TTBK2: variants seen among roughly 807,000 people sequenced by gnomAD.
TTBK2 encodes tau tubulin kinase 2.
A neutral mutation model predicts 110.8 loss-of-function variants in TTBK2; 28 were observed. That is an observed-to-expected ratio of 0.25 (90% CI 0.19 to 0.35). The LOEUF is 0.35. TTBK2 is among the 10% of genes least tolerant of loss of function. TTBK2 has a pLI of 1.00. For synonymous variants in TTBK2, 532 were observed against 527.3 expected, an observed-to-expected ratio of 1.01 and a Z score of -0.12; for missense variants, 1,369 against 1,500.3, an observed-to-expected ratio of 0.91 and a Z score of 1.45.
chr15:42,843,108 C>T (rs888238191), intron 3 of TTBK2, among the ~76,000 whole-genome samples: 1 of 152,162 alleles, frequency 6.6e-6, no homozygotes, highest in Non-Finnish European at 1.5e-5. Flanking sequence ...GTACTAAAAA[C>T]ACTTTTGCAA....
intron 3 of TTBK2, among the ~76,000 whole-genome samples, chr15:42,868,623 G>A (rs1279959073): frequency 1.3e-5 from 2 of 151,460 alleles, no homozygotes; most frequent in Non-Finnish European, 2.9e-5. Context: ...CTGGGAGGCC[G>A]AGGCAAGAGG....
At chr15:42,779,752 G>A (rs142019812) in intron 11 of TTBK2, among the ~76,000 whole-genome samples, 203 of 152,254 alleles carry the variant, frequency 1.3e-3, no homozygotes, top group African/African-American at 4.7e-3. Flanking sequence ...GGTCGAGGCA[G>A]GTGAATTACT....
chr15:42,836,058 A>G (rs1389535581), intron 4 of TTBK2, among the ~76,000 whole-genome samples: 2 of 152,172 alleles, frequency 1.3e-5, no homozygotes, highest in Admixed American at 6.5e-5. Flanking sequence ...TTATCACAAT[A>G]TATCACACTT....
intron 3 of TTBK2, among the ~76,000 whole-genome samples, chr15:42,871,224 G>T (rs558124276): frequency 6.6e-6 from 1 of 152,228 alleles, no homozygotes; most frequent in East Asian, 1.9e-4. Context: ...TTAAGAATGG[G>T]ATGTCATGTG....
intron 9 of TTBK2, chr15:42,800,972 C>T: frequency 1.3e-6 from 1 of 753,228 alleles, no homozygotes. Flanking sequence ...TTCACTTGGG[C>T]AGGACGTTGG....
chr15:42,817,383 A>T (rs1424942074), intron 6 of TTBK2, among the ~76,000 whole-genome samples: 1 of 152,202 alleles, frequency 6.6e-6, no homozygotes. Flanking sequence ...TCTCTATATT[A>T]GAAAACATTA....
rs774142792 is a variant in TTBK2 at position 42,801,345 on chromosome 15, T to G, written c.823-6544A>C. 3.8e-5 allele frequency: 60 copies of G among 1,563,168 alleles called. No homozygotes were observed. In the African/African-American group the frequency reaches 7.1e-4, roughly 19 times the overall value. ...TTGACTGGCTAGCTGCAGGGCGGCC[T>G]CCAGCTCAGACAGCTTGGCATTGGC... On this transcript the variant is annotated intron_variant, in intron 9 of 14. Transcript: ENST00000267890.
At chr15:42,909,888 G>A (rs1187396000) in intron 1 of TTBK2, among the ~76,000 whole-genome samples, 1 of 152,116 alleles carries the variant, frequency 6.6e-6, no homozygotes, top group African/African-American at 2.4e-5. Flanking sequence ...GTGAAAGCCA[G>A]GCAGCTTACA....
intron 1 of TTBK2, among the ~76,000 whole-genome samples, chr15:42,892,487 G>A (rs986863438): frequency 1.3e-5 from 2 of 149,980 alleles, no homozygotes; most frequent in South Asian, 2.1e-4. Flanking sequence ...CAGGTGGATT[G>A]ATTGAGCTCA....
In TTBK2 at chr15:42,743,151, C is replaced by T. The variant is rs751965083; in HGVS notation, c.*2644G>A. On this transcript the variant is annotated 3_prime_UTR_variant, in exon 15 of 15. Transcript: ENST00000267890. ...TCTTTAGAAAGTATCAGAGCAGAAA[C>T]GTCTTTGGTTAATTCTTTCCTCTAC... The T allele has an allele frequency of 1.2e-4, 18 of 152,138 alleles. No individual in the cohort carries two copies. The highest frequency in any genetic ancestry group is 2.2e-4 in the African/African-American group (9 of 41,418). 9.4% of individuals were successfully genotyped at this position (152,138 alleles called of 1,614,324 possible).
Position 42,775,642 on chromosome 15 carries a change from A to G in TTBK2, c.1491T>C (p.Ala497=). The G allele has an allele frequency of 6.2e-7, 1 of 1,613,110 alleles. No individual in the cohort carries two copies. The highest frequency in any genetic ancestry group is 8.5e-7 in the Non-Finnish European group (1 of 1,179,434). ...PALLHKPCVP[A]VSRTDHIWHY... ...GCCAGATGTGGTCAGTACGGGACAC[A>G]GCAGGAACGCAAGGCTTATGCAGCA... is the stretch of plus-strand genomic sequence containing the variant. Residue 497 remains alanine, a synonymous_variant, in exon 13 of 15, where the codon GCT becomes GCC. Coordinates refer to ENST00000267890, the MANE Select transcript of TTBK2 (RefSeq NM_173500.4).
At chr15:42,811,214 G>A (rs912719261) in intron 8 of TTBK2, among the ~76,000 whole-genome samples, 8 of 152,106 alleles carry the variant, frequency 5.3e-5, no homozygotes, top group Non-Finnish European at 7.4e-5. Context: ...GCCTGGTCTC[G>A]AATTTTTGGG....
chr15:42,909,276 G>T (rs2030608205), intron 1 of TTBK2, among the ~76,000 whole-genome samples: 1 of 152,180 alleles, frequency 6.6e-6, no homozygotes. Context: ...AAATAGCTGG[G>T]AATACAAGTG....
At chr15:42,851,202 C>CT (rs1325781730) in intron 3 of TTBK2, among the ~76,000 whole-genome samples, 5 of 149,826 alleles carry the variant, frequency 3.3e-5, no homozygotes, top group African/African-American at 1.2e-4. Flanking sequence ...GAGCAGAGAT[C>CT]ATGCCACTGC....
At chr15:42,899,377 C>T (rs1012410372) in intron 1 of TTBK2, among the ~76,000 whole-genome samples, 20 of 151,354 alleles carry the variant, frequency 1.3e-4, no homozygotes, top group Non-Finnish European at 2.5e-4. Flanking sequence ...AGGCGGATCA[C>T]TTGAGGTCAG....
intron 3 of TTBK2, among the ~76,000 whole-genome samples, chr15:42,872,340 G>A (rs529262418): frequency 7.2e-5 from 11 of 152,206 alleles, no homozygotes; most frequent in East Asian, 3.9e-4. Context: ...AATACTTTCC[G>A]AAGCAGTAAA....
At position 42,810,658 on chromosome 15, in the gene TTBK2, C is replaced by T. The variant is rs1409108022; in HGVS notation, c.778G>A (p.Asp260Asn). 1 of 1,613,942 alleles carries T rather than the reference C, an allele frequency of 6.2e-7. No homozygotes were observed. The highest frequency in any genetic ancestry group is 1.7e-5 in the Admixed American group (1 of 60,006). Residue 260 changes from aspartate (D) to asparagine (N), a missense_variant, in exon 9 of 15, where the codon GAC becomes AAC. Transcript: ENST00000267890. The part of the protein sequence containing the change: ...HLPPEFSIFL[D>N]HISSLDYFTK... ...AAATAATCCAAAGAAGAGATATGGT[C>T]TAGAAAGATGCTGAATTCTGGAGGG...
At chr15:42,918,356 T>C (rs1470424846) in intron 1 of TTBK2, among the ~76,000 whole-genome samples, 1 of 152,156 alleles carries the variant, frequency 6.6e-6, no homozygotes, top group African/African-American at 2.4e-5. Context: ...CATGAGGTTT[T>C]TTTTTTTAAA....
At chr15:42,877,807 TTA>T (rs1894871076) in intron 2 of TTBK2, among the ~76,000 whole-genome samples, 1 of 152,128 alleles carries the variant, frequency 6.6e-6, no homozygotes, top group South Asian at 2.1e-4. Context: ...GGTATTATGA[TTA>T]TGTTTTTAAA....
Sources: allele counts gnomAD v4.1 joint callset (sites outside exome capture counted in the v4.1 genomes callset), GRCh38; gene constraint gnomAD v4.1.1; transcripts MANE v1.5; gene names NCBI Gene and HGNC (gene_info 2026-07-23, HGNC 2026-07-21).